Variants in TLCD4 observed in about 807,000 individuals in gnomAD.
TLCD4 encodes TLC domain-containing protein 4.
TLCD4 carries 7 observed loss-of-function variants against 24.2 expected under a neutral mutation model. The ratio of observed to expected loss-of-function variants is 0.29; its 90% CI spans 0.16 to 0.54. TLCD4 has a LOEUF of 0.54. TLCD4 is among the 20% of genes least tolerant of loss of function. The pLI, the probability that TLCD4 is intolerant of heterozygous loss-of-function variation, is 0.95. For missense variants in TLCD4, 259 were observed against 313.9 expected (o/e 0.82, Z 1.32); for synonymous variants, 103 against 106.4 (o/e 0.97, Z 0.20).
intron 6 of TLCD4, among the ~76,000 whole-genome samples, chr1:95,182,830 C>CT (rs550950515): frequency 1.6e-4 from 24 of 148,186 alleles, no homozygotes; most frequent in Non-Finnish European, 3.1e-4. Context: ...TGTTTTAGGA[C>CT]TTTTTTTTTT....
the TLCD4 span, among the ~76,000 whole-genome samples, chr1:95,107,449 CT>C: frequency 6.6e-6 from 1 of 152,004 alleles, no homozygotes. Flanking sequence ...AAAATTTGCT[CT>C]TTTAATTTTT....
chr1:95,165,304 T>C (rs368718762), intron 5 of TLCD4: 87 of 152,370 alleles, frequency 5.7e-4, no homozygotes, highest in African/African-American at 2.0e-3. Context: ...CATATGGATA[T>C]GTAATAACAT....
intron 1 of TLCD4, among the ~76,000 whole-genome samples, chr1:95,127,901 T>G (rs60567384): frequency 0.23 from 35,270 of 152,158 alleles, 4,229 homozygotes; most frequent in Admixed American, 0.28. Context: ...GCATTCTGAT[T>G]TATCCAAAAT....
chr1:95,132,537 A>T (rs565992627), intron 1 of TLCD4, among the ~76,000 whole-genome samples: 4 of 151,766 alleles, frequency 2.6e-5, no homozygotes, highest in South Asian at 2.1e-4. Flanking sequence ...TGTGATAACC[A>T]TTCACTGAGA....
chr1:95,128,075 TG>T (rs1482040443), intron 1 of TLCD4, among the ~76,000 whole-genome samples: 2 of 152,316 alleles, frequency 1.3e-5, no homozygotes, highest in East Asian at 3.9e-4. Context: ...CTTTCTAGCC[TG>T]GGCGAAAGAG....
intron 6 of TLCD4, among the ~76,000 whole-genome samples, chr1:95,174,884 T>G (rs1402646663): frequency 2.6e-5 from 4 of 152,140 alleles, no homozygotes; most frequent in South Asian, 2.1e-4. Context: ...CAGGTGATTC[T>G]CCTGCCTCAG....
At chr1:95,104,599 G>C in the TLCD4 span, among the ~76,000 whole-genome samples, 1 of 143,762 alleles carries the variant, frequency 7.0e-6, no homozygotes, top group African/African-American at 2.5e-5. Flanking sequence ...CCGGGGGGCG[G>C]AGCCTGCAAT....
At chr1:95,147,076 A>AT (rs573911821) in intron 2 of TLCD4, among the ~76,000 whole-genome samples, 346 of 144,318 alleles carry the variant, frequency 2.4e-3, no homozygotes, top group Middle Eastern at 7.1e-3. Flanking sequence ...AAGGAATTTA[A>AT]TTTTTTTTTT....
At chr1:95,181,272 T>G (rs976274584) in intron 6 of TLCD4, among the ~76,000 whole-genome samples, 1 of 152,126 alleles carries the variant, frequency 6.6e-6, no homozygotes, top group Non-Finnish European at 1.5e-5. Flanking sequence ...TCTGGAATGA[T>G]AGAATTCAGC....
At chr1:95,161,333 T>G (rs1210425816) in intron 5 of TLCD4, among the ~76,000 whole-genome samples, 1 of 152,238 alleles carries the variant, frequency 6.6e-6, no homozygotes, top group Non-Finnish European at 1.5e-5. Flanking sequence ...TGCATGTCTG[T>G]GGGATCAGTA....
At chr1:95,105,700 C>G in the TLCD4 span, among the ~76,000 whole-genome samples, 1 of 151,800 alleles carries the variant, frequency 6.6e-6, no homozygotes, top group Non-Finnish European at 1.5e-5. Context: ...TCGAGACCAT[C>G]CTGGCTAACA....
chr1:95,144,324 C>T (rs1265731868), intron 2 of TLCD4, among the ~76,000 whole-genome samples: 1 of 152,114 alleles, frequency 6.6e-6, no homozygotes, highest in Non-Finnish European at 1.5e-5. Flanking sequence ...TGGATGAATA[C>T]TAGTACTTTC....
rs1678412127 is a variant in TLCD4 at position 95,176,037 on chromosome 1, A to G, written c.473+2148A>G. ...GCGATCCTCCCACTTTGGCCTCCCA[A>G]AATTCTGGGATTACAGGTTTGAGCC... On this transcript the variant is annotated intron_variant, in intron 6 of 6. Transcript: ENST00000370203. Among the ~76,000 whole-genome samples the G allele has an allele frequency of 4.6e-5, 7 of 151,910 alleles. No individual in the cohort carries two copies. The South Asian group carries it at 1.2e-3, about 27-fold the overall frequency.
chr1:95,116,870 A>G (rs1448586269), upstream of TLCD4, among the ~76,000 whole-genome samples: 1 of 152,152 alleles, frequency 6.6e-6, no homozygotes, highest in Non-Finnish European at 1.5e-5. Flanking sequence ...CGCGCCCCCT[A>G]CCAGTTTGGT....
At chr1:95,187,814 C>T (rs549098598) in intron 6 of TLCD4, among the ~76,000 whole-genome samples, 3 of 151,790 alleles carry the variant, frequency 2.0e-5, no homozygotes, top group South Asian at 4.2e-4. Flanking sequence ...TGTTTTTGCA[C>T]AGTGCTGGAA....
At chr1:95,188,879 G>A (rs1283882189) in intron 6 of TLCD4, among the ~76,000 whole-genome samples, 2 of 152,132 alleles carry the variant, frequency 1.3e-5, no homozygotes, top group East Asian at 1.9e-4. Context: ...AAGCCAACAC[G>A]TGGATGCCAT....
At chr1:95,105,611 C>T in the TLCD4 span, among the ~76,000 whole-genome samples, 1 of 152,174 alleles carries the variant, frequency 6.6e-6, no homozygotes, top group South Asian at 2.1e-4. Flanking sequence ...AGGATGAGTG[C>T]ATGGCCGGGC....
chr1:95,102,342 A>T, the TLCD4 span, among the ~76,000 whole-genome samples: 1 of 152,156 alleles, frequency 6.6e-6, no homozygotes, highest in Non-Finnish European at 1.5e-5. Context: ...GTAAGGGTAG[A>T]GGAAGTAAGT....
At chr1:95,135,108 AT>A (rs2100922141) in intron 1 of TLCD4, among the ~76,000 whole-genome samples, 1 of 152,282 alleles carries the variant, frequency 6.6e-6, no homozygotes, top group African/African-American at 2.4e-5. Flanking sequence ...TGAAATTATT[AT>A]TTTTAACATA....
Sources: allele counts gnomAD v4.1 joint callset (sites outside exome capture counted in the v4.1 genomes callset), GRCh38; gene constraint gnomAD v4.1.1; transcripts MANE v1.5; gene names NCBI Gene and HGNC (gene_info 2026-07-23, HGNC 2026-07-21).